Variants in C8orf34 observed in about 807,000 individuals in gnomAD.
C8orf34 encodes uncharacterized protein C8orf34.
A neutral mutation model predicts 68.3 loss-of-function variants in C8orf34; 65 were observed. That is an observed-to-expected ratio of 0.95 (90% CI 0.78 to 1.17). The LOEUF (loss-of-function observed/expected upper bound fraction) is 1.17, where lower values mean the gene tolerates loss of function less well. Among genes scored for constraint, C8orf34 ranks in the 50% most tolerant of loss-of-function variants. The pLI is 0.00. For missense variants in C8orf34, 664 were observed against 655.4 expected, an observed-to-expected ratio of 1.01 and a Z score of -0.14; for synonymous variants, 244 against 241.2, an observed-to-expected ratio of 1.01 and a Z score of -0.11.
At chr8:68,767,901 C>G (rs1823227396) in intron 10 of C8orf34, among the ~76,000 whole-genome samples, 1 of 152,078 alleles carries the variant, frequency 6.6e-6, no homozygotes, top group Non-Finnish European at 1.5e-5. Flanking sequence ...ATATTCTATC[C>G]TATCATTTAT....
At chr8:68,765,323 AG>A (rs936955170) in intron 10 of C8orf34, among the ~76,000 whole-genome samples, 1 of 152,226 alleles carries the variant, frequency 6.6e-6, no homozygotes, top group African/African-American at 2.4e-5. Flanking sequence ...TTGACTCCAA[AG>A]CCTGTCCTCT....
chr8:68,393,579 T>G (rs1490028326), intron 1 of C8orf34, among the ~76,000 whole-genome samples: 4 of 130,710 alleles, frequency 3.1e-5, no homozygotes, highest in African/African-American at 1.1e-4. Flanking sequence ...GGAAAGAAAA[T>G]GACACCATGG....
At chr8:68,344,062 T>C (rs1196408469) in intron 1 of C8orf34, among the ~76,000 whole-genome samples, 2 of 152,158 alleles carry the variant, frequency 1.3e-5, no homozygotes, top group Non-Finnish European at 2.9e-5. Context: ...GTGTTCATAC[T>C]CCTGAACATT....
intron 4 of C8orf34, among the ~76,000 whole-genome samples, chr8:68,481,787 G>A (rs1812871277): frequency 6.6e-6 from 1 of 152,106 alleles, no homozygotes; most frequent in South Asian, 2.1e-4. Flanking sequence ...CCCAATACCT[G>A]TACCCCCATT....
At chr8:68,483,386 T>C (rs10105022) in intron 4 of C8orf34, among the ~76,000 whole-genome samples, 95,287 of 151,968 alleles carry the variant, frequency 0.63, 30,277 homozygotes, top group East Asian at 0.88. Flanking sequence ...GGACTAATGA[T>C]CAGAAGCCGT....
intron 5 of C8orf34, among the ~76,000 whole-genome samples, chr8:68,498,869 C>T (rs10108188): frequency 0.53 from 80,756 of 151,998 alleles, 22,076 homozygotes; most frequent in African/African-American, 0.66. Context: ...TCAAGTCTCC[C>T]TGGAGAAATG....
intron 10 of C8orf34, 75 bp from the exon 11 acceptor site, chr8:68,776,324 C>A: frequency 9.1e-7 from 1 of 1,104,610 alleles, no homozygotes. Context: ...TCTCAGATCC[C>A]ACTCTCCACG....
At chr8:68,748,628 A>G (rs559481915) in intron 10 of C8orf34, among the ~76,000 whole-genome samples, 8 of 152,354 alleles carry the variant, frequency 5.3e-5, no homozygotes, top group Admixed American at 2.6e-4. Context: ...CAAAAAACAC[A>G]TGAAAAAATG....
intron 1 of C8orf34, among the ~76,000 whole-genome samples, chr8:68,436,071 G>T (rs1045493297): frequency 7.2e-5 from 11 of 152,102 alleles, no homozygotes; most frequent in African/African-American, 2.2e-4. Flanking sequence ...AGTCGTGTGT[G>T]GTGGTGCACA....
At chr8:68,794,982 G>C (rs1424770339) in intron 12 of C8orf34, among the ~76,000 whole-genome samples, 1 of 152,046 alleles carries the variant, frequency 6.6e-6, no homozygotes, top group African/African-American at 2.4e-5. Context: ...TACTCTATAG[G>C]TAACTGTTAA....
intron 8 of C8orf34, among the ~76,000 whole-genome samples, chr8:68,643,693 T>C (rs1025296378): frequency 1.3e-5 from 2 of 152,156 alleles, no homozygotes; most frequent in African/African-American, 4.8e-5. Flanking sequence ...GTTCCACCCT[T>C]GTGACCTAAT....
chr8:68,331,098 C>G lies in C8orf34; in HGVS notation c.86C>G (p.Ala29Gly), dbSNP rs1316381859. ...FRLSAPHARV[A>G]PRAATHARGR... is the part of the protein sequence containing the mutation. Reference sequence around the variant, plus strand: ...CTCTCAGCGCCCCACGCGCGCGTGGCTCCCCGGGCTGCCACCCACGCCCGC... The same window carrying G: ...CTCTCAGCGCCCCACGCGCGCGTGGGTCCCCGGGCTGCCACCCACGCCCGC... Residue 29 changes from alanine (A) to glycine (G), a missense_variant, in exon 1 of 14, where the codon GCT becomes GGT. Transcript: ENST00000518698. 1 of 1,491,362 alleles carries G rather than the reference C, an allele frequency of 6.7e-7. No individual in the cohort carries two copies. The highest frequency in any genetic ancestry group is 8.8e-7 in the Non-Finnish European group (1 of 1,130,444). The allele number at this position is 1,491,362 out of a possible 1,614,324, so 92.4% of individuals were successfully genotyped here. A position where few individuals can be genotyped will look rare whatever the true frequency, so the allele number is the denominator to read the frequency against.
intron 7 of C8orf34, chr8:68,533,643 C>T: frequency 1.0e-6 from 1 of 982,812 alleles, no homozygotes; most frequent in Non-Finnish European, 1.2e-6. Flanking sequence ...GGAAAGTTTG[C>T]AGAGATTTCA....
At chr8:68,563,278 G>A (rs1029789685) in intron 7 of C8orf34, among the ~76,000 whole-genome samples, 4 of 152,132 alleles carry the variant, frequency 2.6e-5, no homozygotes, top group Non-Finnish European at 5.9e-5. Context: ...CATGAAGCGT[G>A]TCCTAGGGCC....
intron 9 of C8orf34, among the ~76,000 whole-genome samples, chr8:68,719,198 C>T (rs1821561137): frequency 2.6e-5 from 4 of 151,998 alleles, no homozygotes; most frequent in South Asian, 4.1e-4. Flanking sequence ...TAGATTGGTA[C>T]CCTATTATTA....
chr8:68,422,968 G>A (rs1810045409), intron 1 of C8orf34, among the ~76,000 whole-genome samples: 1 of 152,214 alleles, frequency 6.6e-6, no homozygotes, highest in Admixed American at 6.5e-5. Flanking sequence ...TGGAGCCAAA[G>A]CAGCTGGGAT....
In C8orf34 at chr8:68,746,152, A is replaced by T. The variant is rs538829560; in HGVS notation, c.1404+24715A>T. Among the ~76,000 whole-genome samples the T allele has an allele frequency of 5.3e-3, 805 of 152,310 alleles. 6 individuals are homozygous for T. The highest frequency in any genetic ancestry group is 0.019 in the African/African-American group (780 of 41,568). The stretch of plus-strand genomic sequence containing the variant: ...GAATGACTACTGGGTACATAACGAA[A>T]TGAAGGCAGAAATAAAGATGTTCTT... On this transcript the variant is annotated intron_variant, in intron 10 of 13. Transcript: ENST00000518698.
chr8:68,344,839 G>C (rs1262111713), intron 1 of C8orf34, among the ~76,000 whole-genome samples: 1 of 151,980 alleles, frequency 6.6e-6, no homozygotes, highest in African/African-American at 2.4e-5. Context: ...ATTTTTATTG[G>C]GGGGGAGTAA....
intron 7 of C8orf34, among the ~76,000 whole-genome samples, chr8:68,633,761 G>A (rs1818758784): frequency 6.6e-6 from 1 of 151,816 alleles, no homozygotes; most frequent in African/African-American, 2.4e-5. Flanking sequence ...AAATAGGAAG[G>A]AAGAAAGAAA....
Sources: allele counts gnomAD v4.1 joint callset (sites outside exome capture counted in the v4.1 genomes callset), GRCh38; gene constraint gnomAD v4.1.1; transcripts MANE v1.5; gene names NCBI Gene and HGNC (gene_info 2026-07-23, HGNC 2026-07-21).